Variants in CCPG1 observed in about 807,000 individuals in gnomAD.
CCPG1 encodes the protein cell cycle progression protein 1.
Under a neutral mutation model 81.3 loss-of-function variants are expected in CCPG1, and 46 were observed. The ratio of observed to expected loss-of-function variants is 0.57; its 90% confidence interval spans 0.45 to 0.72. CCPG1 has a LOEUF of 0.72. Ranked by LOEUF, CCPG1 falls within the 30% of genes least tolerant of loss-of-function variation. The pLI is 0.00. For missense variants in CCPG1, 902 were observed against 937.6 expected, an observed-to-expected ratio of 0.96 and a Z score of 0.50; for synonymous variants, 330 against 305.2, an observed-to-expected ratio of 1.08 and a Z score of -0.85.
At chr15:55,366,162 C>G (rs778600555) in intron 6 of CCPG1, among the ~76,000 whole-genome samples, 2 of 152,152 alleles carry the variant, frequency 1.3e-5, no homozygotes, top group South Asian at 4.1e-4. Flanking sequence ...ATGTAATGTT[C>G]TTATCTTACT....
intron 6 of CCPG1, among the ~76,000 whole-genome samples, chr15:55,371,007 G>C (rs1206431423): frequency 2.6e-5 from 4 of 152,018 alleles, no homozygotes; most frequent in Admixed American, 2.0e-4. Context: ...CAGTTACTCC[G>C]GAGGCTGAGG....
chr15:55,356,728 C>T, intron 8 of CCPG1: 1 of 1,052,160 alleles, frequency 9.5e-7, no homozygotes, highest in African/African-American at 1.7e-5. Flanking sequence ...AAAAATCAGT[C>T]CCTCCCCGCT....
intron 5 of CCPG1, among the ~76,000 whole-genome samples, chr15:55,376,394 T>C (rs889385361): frequency 2.7e-4 from 41 of 152,306 alleles, no homozygotes; most frequent in African/African-American, 8.9e-4. Context: ...AAATGTGGCT[T>C]ACACTAGTGA....
chr15:55,391,486 G>T (rs572980514), intron 1 of CCPG1, among the ~76,000 whole-genome samples: 2 of 152,242 alleles, frequency 1.3e-5, no homozygotes, highest in African/African-American at 4.8e-5. Flanking sequence ...TTTATGATAT[G>T]TATCAATGTC....
intron 3 of CCPG1, among the ~76,000 whole-genome samples, chr15:55,381,423 G>A (rs906479193): frequency 3.3e-5 from 5 of 152,170 alleles, no homozygotes; most frequent in South Asian, 2.1e-4. Context: ...GCAACAGTGC[G>A]AGACTCTGTC....
intron 2 of CCPG1, among the ~76,000 whole-genome samples, chr15:55,388,789 G>C (rs1383922780): frequency 6.7e-6 from 1 of 148,208 alleles, no homozygotes. Context: ...AGACAAAATT[G>C]GCCAGGCACA....
rs377395879 is a variant in CCPG1 at position 55,405,418 on chromosome 15, G to A, written c.-10+2803C>T. 2.2e-3 allele frequency among the ~76,000 whole-genome samples: 327 copies of A among 151,934 alleles called. 3 individuals are homozygous for A. Among genetic ancestry groups the A allele is most frequent in the Middle Eastern group, 0.021 (6 of 290 alleles). On this transcript the variant is annotated intron_variant, in intron 1 of 8. Coordinates refer to ENST00000442196, the MANE Select transcript of CCPG1 (RefSeq NM_001204450.2). Reference sequence around the variant, plus strand: ...ATGTCTGTGACATGTGACAGCTACTGGGAGGCTGAGGCAGGAGAATCACAC... The same window carrying A: ...ATGTCTGTGACATGTGACAGCTACTAGGAGGCTGAGGCAGGAGAATCACAC...
At chr15:55,389,309 A>C in intron 2 of CCPG1, 56 bp downstream of exon 2, 2 of 1,213,024 alleles carry the variant, frequency 1.6e-6, no homozygotes, top group Non-Finnish European at 1.2e-6. Context: ...CACAGTTTAC[A>C]TCACTGGTAA....
intron 1 of CCPG1, among the ~76,000 whole-genome samples, chr15:55,396,775 G>T (rs954387473): frequency 6.6e-5 from 10 of 152,154 alleles, no homozygotes; most frequent in African/African-American, 2.4e-4. Context: ...AATGAGTGAG[G>T]CACCATTATA....
rs201649412 is a variant in CCPG1, at chr15:55,362,339, A to G, written c.829-1395T>C. Among the ~76,000 whole-genome samples the G allele has an allele frequency of 1.7e-4, 25 of 150,588 alleles. No individual in the cohort carries two copies. In the East Asian group the frequency reaches 4.4e-3, roughly 26 times the overall value. On this transcript the variant is annotated intron_variant, in intron 7 of 8. Coordinates refer to ENST00000442196, the MANE Select transcript of CCPG1 (RefSeq NM_001204450.2). Reference sequence around the variant, plus strand: ...GATTCAGAAATAAGAAAAAAAAAAAAGGAAAAAAAAATACAAGTCCTTTAA... The same window carrying G: ...GATTCAGAAATAAGAAAAAAAAAAAGGGAAAAAAAAATACAAGTCCTTTAA...
At chr15:55,403,839 T>C (rs567970249) in intron 1 of CCPG1, among the ~76,000 whole-genome samples, 1 of 152,296 alleles carries the variant, frequency 6.6e-6, no homozygotes, top group Admixed American at 6.5e-5. Flanking sequence ...TGAGTCTGCA[T>C]TTTTTGTTTA....
Position 55,382,673 on chromosome 15 carries a change from C to G in CCPG1, c.175+2927G>C, listed in dbSNP as rs576129267. ...TACAGGCGCCTGCCACCACGCCCAG[C>G]TAATTGTTTGTATTTTTAGTAGAGA... On this transcript the variant is annotated intron_variant, in intron 3 of 8. Transcript: ENST00000442196. 2.8e-4 allele frequency among the ~76,000 whole-genome samples: 42 copies of G among 152,216 alleles called. 1 individual carries two copies. Among genetic ancestry groups the G allele is most frequent in the African/African-American group, 1.0e-3 (42 of 41,538 alleles).
chr15:55,400,591 T>A (rs1028273769), intron 1 of CCPG1, among the ~76,000 whole-genome samples: 8 of 149,942 alleles, frequency 5.3e-5, no homozygotes, highest in African/African-American at 1.5e-4. Flanking sequence ...ACAAAAAAAA[T>A]TATAGATATT....
chr15:55,372,728 C>G (rs1037557228), intron 5 of CCPG1: 1 of 267,594 alleles, frequency 3.7e-6, no homozygotes, highest in East Asian at 1.1e-4. Flanking sequence ...AAAAAATACT[C>G]TCTGTCTCTT....
Position 55,377,123 on chromosome 15 carries a change from T to C in CCPG1, c.280A>G (p.Ser94Gly). The C allele has an allele frequency of 6.2e-7, 1 of 1,612,930 alleles. No homozygotes were observed. The highest frequency in any genetic ancestry group is 8.5e-7 in the Non-Finnish European group (1 of 1,179,018). The part of the protein sequence containing the change: ...EAEEQKIPED[S>G]IYIGTASDDS... ...TCACTGGCAGTTCCAATATAGATAC[T>C]GTCTTCGGGTATCTTTTGTTCCTCT... The change falls in exon 5 of 9, where the codon AGT becomes GGT. Residue 94 changes from serine to glycine, a missense_variant. Around this residue, in one of 3 missense-constraint regions of CCPG1, gnomAD observed 746 missense variants for 728.6 expected, o/e 1.02. Coordinates refer to ENST00000442196, the MANE Select transcript of CCPG1 (RefSeq NM_001204450.2).
intron 5 of CCPG1, chr15:55,374,320 T>C: frequency 1.4e-6 from 1 of 733,502 alleles, no homozygotes; most frequent in Non-Finnish European, 2.0e-6. Flanking sequence ...AAAAAAAGAA[T>C]TAAAAATACT....
chr15:55,374,208 C>G (rs1435847981), intron 5 of CCPG1: 1 of 1,288,944 alleles, frequency 7.8e-7, no homozygotes, highest in South Asian at 1.2e-5. Flanking sequence ...ATCCCATCCC[C>G]ATATGCACTC....
chr15:55,391,211 C>G (rs750414325), intron 1 of CCPG1, among the ~76,000 whole-genome samples: 7 of 152,178 alleles, frequency 4.6e-5, no homozygotes, highest in African/African-American at 7.2e-5. Flanking sequence ...CAACCCTGAC[C>G]TCCCAAGCTC....
At chr15:55,358,649 A>T (rs1278213375) in intron 8 of CCPG1, 1 of 985,278 alleles carries the variant, frequency 1.0e-6, no homozygotes, top group Non-Finnish European at 1.2e-6. Flanking sequence ...ACCTCACTCA[A>T]GAAGCCTTTC....
Sources: allele counts gnomAD v4.1 joint callset (sites outside exome capture counted in the v4.1 genomes callset), GRCh38; gene constraint gnomAD v4.1.1; regional missense constraint gnomAD v4.1.1; transcripts MANE v1.5; gene names NCBI Gene and HGNC (gene_info 2026-07-23, HGNC 2026-07-21).